The following GRM5 variants were observed in gnomAD, a reference collection of about 807,000 sequenced individuals.
GRM5 encodes the protein metabotropic glutamate receptor 5.
GRM5 carries 19 observed loss-of-function variants against 83.1 expected under a neutral mutation model. The observed-to-expected ratio is 0.23, with a 90% CI of 0.16 to 0.34. The LOEUF is 0.34. Among genes scored for constraint, GRM5 ranks in the 10% least tolerant of loss-of-function variants. The pLI is 1.00. For synonymous variants in GRM5, 675 were observed against 633.6 expected, an observed-to-expected ratio of 1.07 and a Z score of -0.98; for missense variants, 1,160 against 1,588.3, an observed-to-expected ratio of 0.73 and a Z score of 4.58.
intron 3 of GRM5, among the ~76,000 whole-genome samples, chr11:88,729,563 T>C (rs1230993017): frequency 6.6e-6 from 1 of 152,194 alleles, no homozygotes; most frequent in African/African-American, 2.4e-5. Context: ...AGAGCCCATA[T>C]AGCCAAGACA....
intron 4 of GRM5, among the ~76,000 whole-genome samples, chr11:88,648,199 C>A (rs1410307965): frequency 6.6e-6 from 1 of 151,650 alleles, no homozygotes; most frequent in African/African-American, 2.4e-5. Flanking sequence ...AAGACACATG[C>A]ACACGTATGT....
chr11:88,694,785 G>C (rs142725059), intron 3 of GRM5, among the ~76,000 whole-genome samples: 20 of 152,208 alleles, frequency 1.3e-4, no homozygotes, highest in African/African-American at 4.6e-4. Flanking sequence ...GATTGCTTAT[G>C]ATTGCAGTAT....
chr11:88,761,542 G>T (rs984270788), intron 3 of GRM5, among the ~76,000 whole-genome samples: 1 of 151,968 alleles, frequency 6.6e-6, no homozygotes, highest in African/African-American at 2.4e-5. Context: ...ACTGCTCAAA[G>T]AAATCAGAGA....
chr11:88,561,230 G>C (rs1942747209), intron 8 of GRM5, among the ~76,000 whole-genome samples: 2 of 152,130 alleles, frequency 1.3e-5, no homozygotes, highest in African/African-American at 4.8e-5. Flanking sequence ...AATGTGGGGA[G>C]ACCAGCAGTT....
At chr11:88,718,744 T>C (rs953012825) in intron 3 of GRM5, among the ~76,000 whole-genome samples, 1 of 151,934 alleles carries the variant, frequency 6.6e-6, no homozygotes, top group Non-Finnish European at 1.5e-5. Context: ...CATGAAATTT[T>C]TCTATAATTT....
chr11:88,761,186 C>T (rs1270879150), intron 3 of GRM5, among the ~76,000 whole-genome samples: 1 of 152,086 alleles, frequency 6.6e-6, no homozygotes, highest in East Asian at 1.9e-4. Context: ...CCATAGTATT[C>T]GAAGTCCTGG....
At chr11:88,892,042 A>C (rs1449201012) in intron 2 of GRM5, among the ~76,000 whole-genome samples, 1 of 152,090 alleles carries the variant, frequency 6.6e-6, no homozygotes, top group African/African-American at 2.4e-5. Flanking sequence ...TCTTGTGAAC[A>C]AAATTCGGAG....
rs570181487 is a variant in GRM5, at chr11:88,586,333, G to A, written c.1690+4268C>T. Among the ~76,000 whole-genome samples the A allele has an allele frequency of 3.9e-5, 6 of 152,208 alleles. No homozygotes were observed. In the South Asian group the frequency reaches 1.0e-3, roughly 26 times the overall value. On this transcript the variant is annotated intron_variant, in intron 7 of 9. Coordinates refer to ENST00000305447, the MANE Select transcript of GRM5 (RefSeq NM_001143831.3). The stretch of plus-strand genomic sequence containing the variant: ...TTTCTGAACAATTGTTTAATTCCAG[G>A]TGGGCTGAGATCTCTTAGCCATGCT...
chr11:88,791,072 C>T (rs1385824627), intron 3 of GRM5, among the ~76,000 whole-genome samples: 16 of 152,030 alleles, frequency 1.1e-4, no homozygotes, highest in African/African-American at 1.7e-4. Flanking sequence ...ACAGTGTGAA[C>T]GCAGAGGAAT....
At chr11:88,845,423 CTTTTTTTTTTTTTTT>C (rs71046265) in intron 3 of GRM5, among the ~76,000 whole-genome samples, 4 of 92,442 alleles carry the variant, frequency 4.3e-5, no homozygotes, top group Non-Finnish European at 8.0e-5. Flanking sequence ...ATAAACATAA[CTTTTTTTTTTTTTTT>C]TTTTTTTTTT....
intron 3 of GRM5, among the ~76,000 whole-genome samples, chr11:88,835,132 G>C (rs904843642): frequency 6.6e-6 from 1 of 152,154 alleles, no homozygotes; most frequent in Non-Finnish European, 1.5e-5. Flanking sequence ...AAAATGAAAA[G>C]TTCCAGGGAT....
chr11:88,862,295 G>A (rs934699928), intron 2 of GRM5, among the ~76,000 whole-genome samples: 1 of 152,158 alleles, frequency 6.6e-6, no homozygotes, highest in Non-Finnish European at 1.5e-5. Context: ...AGAAACCTTA[G>A]AGAGTGGATT....
intron 2 of GRM5, among the ~76,000 whole-genome samples, chr11:88,916,328 G>A (rs1424573225): frequency 6.6e-6 from 1 of 152,118 alleles, no homozygotes; most frequent in Non-Finnish European, 1.5e-5. Context: ...TCACAAGGCA[G>A]TAGGACAGAG....
chr11:88,996,159 C>A lies in GRM5; in HGVS notation c.661+51053G>T, dbSNP rs528936735. Among the ~76,000 whole-genome samples the A allele has an allele frequency of 3.3e-5, 5 of 152,284 alleles. No individual in the cohort carries two copies. In the South Asian group the frequency reaches 1.0e-3, roughly 32 times the overall value. ...TCACAGTTCAACTCAGCATGATAAA[C>A]CCTGTGGGATAATTTTACTACAAAA... On this transcript the variant is annotated intron_variant, in intron 2 of 9. Transcript: ENST00000305447.
chr11:88,938,217 C>T (rs1018631896), intron 2 of GRM5, among the ~76,000 whole-genome samples: 1 of 151,562 alleles, frequency 6.6e-6, no homozygotes, highest in Non-Finnish European at 1.5e-5. Flanking sequence ...CTGGGAGGAA[C>T]CAAATATTTA....
At chr11:88,763,284 T>G (rs1228745442) in intron 3 of GRM5, among the ~76,000 whole-genome samples, 2 of 147,582 alleles carry the variant, frequency 1.4e-5, no homozygotes, top group East Asian at 4.0e-4. Context: ...AGGGAGTCTG[T>G]AGGGTTAAAT....
At chr11:88,884,830 C>T (rs979047805) in intron 2 of GRM5, among the ~76,000 whole-genome samples, 27 of 152,182 alleles carry the variant, frequency 1.8e-4, no homozygotes, top group African/African-American at 5.8e-4. Flanking sequence ...CTTTGCTCCT[C>T]CTCTGCTTTC....
At chr11:88,585,751 A>T (rs1275999715) in intron 7 of GRM5, among the ~76,000 whole-genome samples, 1 of 152,022 alleles carries the variant, frequency 6.6e-6, no homozygotes. Context: ...TCTTATTATT[A>T]CTTTCAATAT....
At chr11:88,611,059 A>T (rs1231350151) in intron 4 of GRM5, among the ~76,000 whole-genome samples, 1 of 152,210 alleles carries the variant, frequency 6.6e-6, no homozygotes, top group Non-Finnish European at 1.5e-5. Flanking sequence ...AATCCCAGGA[A>T]TAAGGCCTAC....
Sources: allele counts gnomAD v4.1 joint callset (sites outside exome capture counted in the v4.1 genomes callset), GRCh38; gene constraint gnomAD v4.1.1; transcripts MANE v1.5; gene names NCBI Gene and HGNC (gene_info 2026-07-23, HGNC 2026-07-21).